Variants in CAMK1D observed in about 807,000 individuals in gnomAD.
CAMK1D encodes calcium/calmodulin-dependent protein kinase type 1D.
A neutral mutation model predicts 47.7 loss-of-function variants in CAMK1D; 9 were observed. The observed-to-expected ratio is 0.19, with a 90% confidence interval of 0.11 to 0.33. CAMK1D has a LOEUF of 0.33. Among genes scored for constraint, CAMK1D ranks in the 10% least tolerant of loss-of-function variants. The pLI is 1.00. For missense variants in CAMK1D, 291 were observed against 488.7 expected, an observed-to-expected ratio of 0.60 and a Z score of 3.81; for synonymous variants, 184 against 184.9, an observed-to-expected ratio of 0.99 and a Z score of 0.04.
At chr10:12,750,592 C>T (rs1470539396) in intron 3 of CAMK1D, among the ~76,000 whole-genome samples, 1 of 151,954 alleles carries the variant, frequency 6.6e-6, no homozygotes, top group South Asian at 2.1e-4. Flanking sequence ...GCAGAAGAGG[C>T]CGGGAGGAGA....
intron 1 of CAMK1D, among the ~76,000 whole-genome samples, chr10:12,551,201 C>T (rs1356784831): frequency 4.6e-5 from 7 of 152,218 alleles, no homozygotes; most frequent in South Asian, 2.1e-4. Context: ...TTCACGTTAC[C>T]GCCTGAGCTC....
chr10:12,735,723 A>G (rs1274119365), intron 3 of CAMK1D, among the ~76,000 whole-genome samples: 1 of 152,024 alleles, frequency 6.6e-6, no homozygotes, highest in African/African-American at 2.4e-5. Context: ...GCCGAGATAC[A>G]GAGCTGGCAG....
chr10:12,350,532 C>G (rs1030368561), intron 1 of CAMK1D, among the ~76,000 whole-genome samples: 14 of 150,848 alleles, frequency 9.3e-5, no homozygotes, highest in Non-Finnish European at 1.9e-4. Flanking sequence ...GGGAGCGCGT[C>G]TCCAAGGGAG....
chr10:12,742,282 G>A (rs1168778081), intron 3 of CAMK1D, among the ~76,000 whole-genome samples: 2 of 152,154 alleles, frequency 1.3e-5, no homozygotes, highest in South Asian at 2.1e-4. Flanking sequence ...CTACAGGCAT[G>A]TGCCACCACG....
intron 2 of CAMK1D, among the ~76,000 whole-genome samples, chr10:12,606,069 G>T (rs1838451460): frequency 6.6e-6 from 1 of 152,260 alleles, no homozygotes; most frequent in South Asian, 2.1e-4. Flanking sequence ...AAAACTGCAA[G>T]CCCCTTCCTC....
intron 1 of CAMK1D, among the ~76,000 whole-genome samples, chr10:12,429,129 C>T (rs898926250): frequency 6.6e-6 from 1 of 151,670 alleles, no homozygotes; most frequent in Admixed American, 6.6e-5. Flanking sequence ...TCCCTCATCG[C>T]CCACCCCTGC....
chr10:12,544,700 A>G (rs1272458959), intron 1 of CAMK1D, among the ~76,000 whole-genome samples: 1 of 152,098 alleles, frequency 6.6e-6, no homozygotes, highest in Non-Finnish European at 1.5e-5. Context: ...ACTGTTTTCT[A>G]GTACTAGTGT....
intron 1 of CAMK1D, among the ~76,000 whole-genome samples, chr10:12,550,536 C>T (rs1201567594): frequency 6.6e-6 from 1 of 152,164 alleles, no homozygotes; most frequent in African/African-American, 2.4e-5. Context: ...ATTTGGGTTT[C>T]CTGGACAAAA....
intron 1 of CAMK1D, among the ~76,000 whole-genome samples, chr10:12,387,985 G>T (rs1838584395): frequency 6.6e-6 from 1 of 152,132 alleles, no homozygotes; most frequent in Admixed American, 6.5e-5. Context: ...TGGGAGGGAA[G>T]AAGCCTCAGC....
At chr10:12,757,225 G>A (rs749214547) in intron 3 of CAMK1D, among the ~76,000 whole-genome samples, 6 of 152,024 alleles carry the variant, frequency 3.9e-5, no homozygotes, top group South Asian at 2.1e-4. Flanking sequence ...CAGCCGTCCC[G>A]GCCTCCCAAA....
chr10:12,403,281 T>C (rs1229343933), intron 1 of CAMK1D, among the ~76,000 whole-genome samples: 1 of 152,236 alleles, frequency 6.6e-6, no homozygotes, highest in Admixed American at 6.5e-5. Flanking sequence ...CACATGGACA[T>C]CTGCCCTGCA....
chr10:12,419,921 C>T (rs978190752), intron 1 of CAMK1D, among the ~76,000 whole-genome samples: 7 of 150,454 alleles, frequency 4.7e-5, no homozygotes, highest in African/African-American at 1.7e-4. Flanking sequence ...AGATAGAATA[C>T]TTTTTTCAGC....
intron 1 of CAMK1D, among the ~76,000 whole-genome samples, chr10:12,406,617 G>T (rs1039768383): frequency 5.3e-5 from 8 of 151,004 alleles, no homozygotes; most frequent in African/African-American, 2.0e-4. Context: ...CAGCTGCTTG[G>T]GAGGCTGAGG....
At chr10:12,776,738 C>A (rs764681558) in intron 5 of CAMK1D, among the ~76,000 whole-genome samples, 11 of 152,194 alleles carry the variant, frequency 7.2e-5, no homozygotes, top group Non-Finnish European at 1.2e-4. Flanking sequence ...ATCACGGCTT[C>A]TTTGCTGTTA....
rs142540636 is a variant in CAMK1D, at chr10:12,624,273, C to T, written c.225-42463C>T. ...ATTTCAGTAAGAACCTGTAATAGAT[C>T]TACCCTATTAAAATTTTAGATGTGC... On this transcript the variant is annotated intron_variant, in intron 2 of 10. Transcript: ENST00000619168. Among the ~76,000 whole-genome samples the T allele has an allele frequency of 2.9e-3, 447 of 152,092 alleles. 11 individuals carry two copies. In the South Asian group the frequency reaches 0.043, roughly 15 times the overall value.
intron 1 of CAMK1D, among the ~76,000 whole-genome samples, chr10:12,480,672 AG>A (rs1834038437): frequency 6.6e-6 from 1 of 152,158 alleles, no homozygotes; most frequent in South Asian, 2.1e-4. Flanking sequence ...TCAGAGTTTA[AG>A]GGACTTGCCC....
chr10:12,457,357 C>T (rs964769354), intron 1 of CAMK1D, among the ~76,000 whole-genome samples: 91 of 151,296 alleles, frequency 6.0e-4, no homozygotes, highest in African/African-American at 2.1e-3. Flanking sequence ...AGCCACTGCC[C>T]TCCAGCCTGG....
At chr10:12,564,155 C>CTGTCTG (rs1483036078) in intron 2 of CAMK1D, among the ~76,000 whole-genome samples, 1,400 of 103,354 alleles carry the variant, frequency 0.014, 30 homozygotes, top group South Asian at 0.046. Flanking sequence ...CTGTCTCTCT[C>CTGTCTG]TCTCTCTCTC....
chr10:12,694,341 A>G lies in CAMK1D; in HGVS notation c.299+27531A>G, dbSNP rs1438300308. On this transcript the variant is annotated intron_variant, in intron 3 of 10. Coordinates refer to ENST00000619168, the MANE Select transcript of CAMK1D (RefSeq NM_153498.4). ...ATATAATATATAAAGTATATATAATATATAACATATATATGTTATATGTTA... is the reference window on the plus strand; with the variant it reads ...ATATAATATATAAAGTATATATAATGTATAACATATATATGTTATATGTTA... 3.1e-3 allele frequency among the ~76,000 whole-genome samples: 277 copies of G among 89,350 alleles called. 15 individuals are homozygous for G. The highest frequency in any genetic ancestry group is 7.5e-3 in the South Asian group (20 of 2,654). 58.6% of individuals were successfully genotyped at this position (89,350 alleles called of 152,430 possible). A position where few individuals can be genotyped will look rare whatever the true frequency, so the allele number is the denominator to read the frequency against.
Sources: allele counts gnomAD v4.1 joint callset (sites outside exome capture counted in the v4.1 genomes callset), GRCh38; gene constraint gnomAD v4.1.1; transcripts MANE v1.5; gene names NCBI Gene and HGNC (gene_info 2026-07-23, HGNC 2026-07-21).